The following LEPR variants were observed in gnomAD, a reference collection of about 807,000 sequenced individuals.
The protein encoded by LEPR is leptin receptor.
A neutral mutation model predicts 114.7 loss-of-function variants in LEPR; 56 were observed. The observed-to-expected ratio is 0.49, with a 90% CI of 0.39 to 0.61. The LOEUF (loss-of-function observed/expected upper bound fraction) is 0.61, where lower values mean the gene tolerates loss of function less well. LEPR is among the 20% of genes least tolerant of loss of function. LEPR has a pLI of 0.00. For missense variants in LEPR, 1,202 were observed against 1,352.9 expected (o/e 0.89, Z 1.75); for synonymous variants, 443 against 461.4 (o/e 0.96, Z 0.51).
intron 2 of LEPR, among the ~76,000 whole-genome samples, chr1:65,543,686 T>C (rs966814848): frequency 6.6e-6 from 1 of 152,044 alleles, no homozygotes; most frequent in African/African-American, 2.4e-5. Flanking sequence ...TTTCTGCATA[T>C]GGCTAGCCAG....
chr1:65,555,404 G>A (rs557636703), intron 2 of LEPR, among the ~76,000 whole-genome samples: 7 of 152,294 alleles, frequency 4.6e-5, no homozygotes, highest in South Asian at 2.1e-4. Flanking sequence ...CATGTGGTGC[G>A]GTGACTTGAA....
chr1:65,459,543 C>T (rs551591672), intron 2 of LEPR, among the ~76,000 whole-genome samples: 3 of 152,254 alleles, frequency 2.0e-5, no homozygotes, highest in Admixed American at 2.0e-4. Flanking sequence ...AGTGGAGCTC[C>T]TTCTTCCCTC....
intron 2 of LEPR, among the ~76,000 whole-genome samples, chr1:65,440,515 T>C (rs1159593187): frequency 6.6e-6 from 1 of 152,010 alleles, no homozygotes; most frequent in Non-Finnish European, 1.5e-5. Context: ...GTGGCTTCTG[T>C]TTAAGATACA....
intron 2 of LEPR, among the ~76,000 whole-genome samples, chr1:65,543,233 A>T (rs925542149): frequency 1.3e-5 from 2 of 151,618 alleles, no homozygotes; most frequent in African/African-American, 4.9e-5. Flanking sequence ...CTTTTTTTTC[A>T]TATGTTTGTT....
chr1:65,555,831 A>G (rs1303051970), intron 2 of LEPR, among the ~76,000 whole-genome samples: 2 of 152,134 alleles, frequency 1.3e-5, no homozygotes, highest in Non-Finnish European at 2.9e-5. Flanking sequence ...CCCAGTTCTA[A>G]GTATTGTCAG....
rs888114647 is a variant in LEPR, at chr1:65,434,977, G to A, written c.-21+9599G>A. The A allele has an allele frequency of 8.1e-6, 8 of 985,372 alleles. No individual in the cohort carries two copies. The African/African-American group carries it at 8.7e-5, about 11-fold the overall frequency. The allele number at this position is 985,372 out of a possible 1,614,324, so 61.0% of individuals were successfully genotyped here. On this transcript the variant is annotated intron_variant, in intron 2 of 19. Coordinates refer to ENST00000349533, the MANE Select transcript of LEPR (RefSeq NM_002303.6). ...TTCCTTTTGACACCTGCATTGGGCCGACTGCCATTCCCATGACTGCTGCAC... is the reference window on the plus strand; with the variant it reads ...TTCCTTTTGACACCTGCATTGGGCCAACTGCCATTCCCATGACTGCTGCAC...
chr1:65,468,488 A>G (rs1337956878), intron 2 of LEPR, among the ~76,000 whole-genome samples: 1 of 152,218 alleles, frequency 6.6e-6, no homozygotes, highest in African/African-American at 2.4e-5. Context: ...CTTAAAAAAA[A>G]TTGATGGCAG....
intron 2 of LEPR, among the ~76,000 whole-genome samples, chr1:65,538,537 G>A (rs1246488437): frequency 6.6e-6 from 1 of 152,044 alleles, no homozygotes; most frequent in Non-Finnish European, 1.5e-5. Context: ...AATTTTGTAA[G>A]CCATTACATT....
chr1:65,492,362 T>C (rs894903953), intron 2 of LEPR, among the ~76,000 whole-genome samples: 1 of 152,152 alleles, frequency 6.6e-6, no homozygotes, highest in Non-Finnish European at 1.5e-5. Flanking sequence ...CTTTCATGAA[T>C]TAAGCTTTTC....
At chr1:65,557,435 A>G (rs1233481700) in intron 2 of LEPR, among the ~76,000 whole-genome samples, 2 of 151,580 alleles carry the variant, frequency 1.3e-5, no homozygotes, top group African/African-American at 2.4e-5. Flanking sequence ...TCTGTCTTTT[A>G]TTTAGACAGA....
intron 2 of LEPR, among the ~76,000 whole-genome samples, chr1:65,428,401 C>T (rs572726527): frequency 6.6e-6 from 1 of 152,294 alleles, no homozygotes; most frequent in East Asian, 1.9e-4. Context: ...TCTGTGTCTC[C>T]TTTCTCACTG....
intron 2 of LEPR, among the ~76,000 whole-genome samples, chr1:65,535,402 A>G (rs1425250949): frequency 6.6e-6 from 1 of 151,400 alleles, no homozygotes; most frequent in Non-Finnish European, 1.5e-5. Context: ...GTCTCGCTCT[A>G]TCACCCAGGC....
intron 5 of LEPR, chr1:65,576,732 T>G (rs1300986912): frequency 1.0e-5 from 2 of 194,030 alleles, no homozygotes; most frequent in African/African-American, 4.8e-5. Flanking sequence ...CAGCCAGACA[T>G]GTGCCAGCTG....
chr1:65,617,650 C>T (rs1032846399), intron 15 of LEPR, among the ~76,000 whole-genome samples: 7 of 152,178 alleles, frequency 4.6e-5, no homozygotes, highest in African/African-American at 1.4e-4. Context: ...GAGAGTATCA[C>T]TCCATCAGTG....
At chr1:65,432,019 T>G (rs924220491) in intron 2 of LEPR, 3 of 1,473,282 alleles carry the variant, frequency 2.0e-6, no homozygotes, top group East Asian at 2.4e-5. Flanking sequence ...ATATGCTGGG[T>G]TTTTTAATAC....
At chr1:65,613,775 A>AG (rs1350641546) in intron 14 of LEPR, among the ~76,000 whole-genome samples, 6 of 150,208 alleles carry the variant, frequency 4.0e-5, no homozygotes, top group African/African-American at 1.2e-4. Context: ...AAAAAAAAAA[A>AG]AAAAAAACCA....
At chr1:65,629,569 G>A (rs1658408786) in intron 19 of LEPR, among the ~76,000 whole-genome samples, 1 of 151,798 alleles carries the variant, frequency 6.6e-6, no homozygotes, top group South Asian at 2.1e-4. Context: ...ATTTTAGTTA[G>A]CTTCATTTTT....
intron 11 of LEPR, among the ~76,000 whole-genome samples, chr1:65,607,518 T>C (rs1656891287): frequency 6.6e-6 from 1 of 152,244 alleles, no homozygotes; most frequent in African/African-American, 2.4e-5. Context: ...ATGGATGTAC[T>C]TAATATTTTT....
intron 2 of LEPR, among the ~76,000 whole-genome samples, chr1:65,479,295 A>G (rs2100443050): frequency 6.6e-6 from 1 of 152,318 alleles, no homozygotes; most frequent in African/African-American, 2.4e-5. Flanking sequence ...CAGCAGCAGC[A>G]GCATTATTAA....
Sources: allele counts gnomAD v4.1 joint callset (sites outside exome capture counted in the v4.1 genomes callset), GRCh38; gene constraint gnomAD v4.1.1; transcripts MANE v1.5; gene names NCBI Gene and HGNC (gene_info 2026-07-23, HGNC 2026-07-21).